PREX1: variants seen among roughly 807,000 people sequenced by gnomAD.
The protein encoded by PREX1 is phosphatidylinositol-3,4,5-trisphosphate dependent Rac exchange factor 1.
PREX1 carries 41 observed loss-of-function variants against 198.3 expected under a neutral mutation model. The observed-to-expected ratio is 0.21, with a 90% CI of 0.16 to 0.27. The LOEUF (loss-of-function observed/expected upper bound fraction) is 0.27. Among genes scored for constraint, PREX1 ranks in the 10% least tolerant of loss-of-function variants. The probability of loss-of-function intolerance (pLI) is 1.00; values close to 1 mark genes in which losing one functional copy is unlikely to be tolerated. For missense variants in PREX1, 1,620 were observed against 2,200.7 expected (o/e 0.74, Z 5.28); for synonymous variants, 843 against 887.2 (o/e 0.95, Z 0.89).
chr20:48,627,963 C>A lies in PREX1; in HGVS notation c.4767G>T (p.Arg1589Ser). 1 of 1,608,394 alleles carries A rather than the reference C, an allele frequency of 6.2e-7. No homozygotes were observed. Among genetic ancestry groups the A allele is most frequent in the Non-Finnish European group, 8.5e-7 (1 of 1,178,532 alleles). ...GCTCCAGGGACACGCTCAGGGTGCT[C>A]CTGCAGCAGGGGAGGGAGGACAGCG... ...QMVMCGTGMQ[R>S]STLSVSLEQA... The change falls in exon 38 of 40, where the codon AGG becomes AGT. Residue 1589 changes from arginine (R) to serine (S), a missense_variant and splice_region_variant. This residue lies in a region of PREX1 where 476 missense variants were observed against 603.4 expected (regional missense o/e 0.79). Transcript: ENST00000371941.
At chr20:48,842,532 C>G in the PREX1 span, among the ~76,000 whole-genome samples, 1 of 151,746 alleles carries the variant, frequency 6.6e-6, no homozygotes, top group Non-Finnish European at 1.5e-5. Context: ...TATTCTCTCT[C>G]TCCAGCGTGG....
At chr20:48,730,085 C>A (rs959612361) in intron 4 of PREX1, among the ~76,000 whole-genome samples, 1 of 151,942 alleles carries the variant, frequency 6.6e-6, no homozygotes, top group East Asian at 1.9e-4. Flanking sequence ...GGAGGGAGCA[C>A]CCACCGACAC....
At chr20:48,697,539 C>G (rs371011720) in intron 7 of PREX1, among the ~76,000 whole-genome samples, 69 of 152,160 alleles carry the variant, frequency 4.5e-4, no homozygotes, top group African/African-American at 1.7e-3. Context: ...TGCCACCACA[C>G]CTGGCTAATT....
At chr20:48,744,883 TG>T in intron 3 of PREX1, 141 bp downstream of exon 3, 1 of 1,089,264 alleles carries the variant, frequency 9.2e-7, no homozygotes, top group Non-Finnish European at 1.3e-6. Flanking sequence ...GGATGCAGAC[TG>T]GGCCCACCTG....
chr20:48,853,944 C>A, the PREX1 span, among the ~76,000 whole-genome samples: 13 of 152,190 alleles, frequency 8.5e-5, no homozygotes, highest in Non-Finnish European at 1.6e-4. Context: ...GATGGGTGAG[C>A]CAGATGGGGC....
chr20:48,719,522 G>A (rs1255491833), intron 5 of PREX1, among the ~76,000 whole-genome samples: 1 of 152,156 alleles, frequency 6.6e-6, no homozygotes, highest in Non-Finnish European at 1.5e-5. Flanking sequence ...CTGACTTCCT[G>A]TGCTTTCTCA....
intron 15 of PREX1, among the ~76,000 whole-genome samples, chr20:48,665,151 GC>G (rs1568812565): frequency 7.0e-6 from 1 of 143,462 alleles, no homozygotes; most frequent in Non-Finnish European, 1.5e-5. Flanking sequence ...TCTAATCCCG[GC>G]CCCAGACGGC....
rs1409452835 is a variant in PREX1 at position 48,666,552 on chromosome 20, G to A, written c.1666-197C>T. On this transcript the variant is annotated intron_variant, in intron 14 of 39. Coordinates refer to ENST00000371941, the MANE Select transcript of PREX1 (RefSeq NM_020820.4). The surrounding 1 kb of genome is among the most constrained non-coding windows in gnomAD (Gnocchi z 4.3). ...ATTATTATTATTTTTTTGAGACAGA[G>A]TCTCACTCTATCGCCCAGGCTGGAG... 6.6e-6 allele frequency among the ~76,000 whole-genome samples: 1 copy of A among 152,098 alleles called. No individual in the cohort carries two copies. The highest frequency in any genetic ancestry group is 1.5e-5 in the Non-Finnish European group (1 of 68,010).
intron 29 of PREX1, among the ~76,000 whole-genome samples, chr20:48,640,424 C>G (rs1435588151): frequency 6.6e-6 from 1 of 152,202 alleles, no homozygotes; most frequent in Non-Finnish European, 1.5e-5. Flanking sequence ...AAGGCCCCTG[C>G]AAAAGACAAA....
At chr20:48,656,380 A>T in intron 18 of PREX1, 1 of 435,630 alleles carries the variant, frequency 2.3e-6, no homozygotes, top group Non-Finnish European at 4.6e-6. Flanking sequence ...CTTCGATCAG[A>T]AGCTTCCAGT....
chr20:48,737,215 CAA>C (rs140010281), intron 3 of PREX1, among the ~76,000 whole-genome samples: 984 of 35,088 alleles, frequency 0.028, 10 homozygotes, highest in African/African-American at 0.12. Flanking sequence ...GTTTTGACAG[CAA>C]AAAAAAAAAA....
At chr20:48,879,575 C>A in the PREX1 span, among the ~76,000 whole-genome samples, 49 of 152,206 alleles carry the variant, frequency 3.2e-4, no homozygotes, top group Non-Finnish European at 6.9e-4. Flanking sequence ...TGATTAGCGT[C>A]TCATTCATGC....
chr20:48,766,155 T>C (rs2090207033), intron 1 of PREX1, among the ~76,000 whole-genome samples: 1 of 152,204 alleles, frequency 6.6e-6, no homozygotes, highest in Admixed American at 6.5e-5. Flanking sequence ...CATTATATGT[T>C]ACAATGTAAT....
rs1393849058 is a variant in PREX1 at position 48,683,932 on chromosome 20, C to T, written c.1335-2597G>A. ...AGCCCTGAGAGGTAAGGTCAGGAAACCAGCGATCTGCCAGTGGGGAGGGGC... is the reference window on the plus strand; with the variant it reads ...AGCCCTGAGAGGTAAGGTCAGGAAATCAGCGATCTGCCAGTGGGGAGGGGC... On this transcript the variant is annotated intron_variant, in intron 10 of 39. Transcript: ENST00000371941. Among the ~76,000 whole-genome samples, 6 of 152,036 alleles carry T rather than the reference C, an allele frequency of 3.9e-5. No homozygotes were observed. In the East Asian group the frequency reaches 9.7e-4, roughly 24 times the overall value.
At chr20:48,873,185 G>A in the PREX1 span, among the ~76,000 whole-genome samples, 55 of 152,212 alleles carry the variant, frequency 3.6e-4, no homozygotes, top group African/African-American at 1.3e-3. Flanking sequence ...TCAGTATCAT[G>A]AAAGCCAGGC....
Position 48,793,665 on chromosome 20 carries a change from C to A in PREX1, c.219+33977G>T, listed in dbSNP as rs369014058. ...GGGATCTGGATTTGCAACCCTTGCT[C>A]GGGCAAATCATTTACTCTCTCTGAG... On this transcript the variant is annotated intron_variant, in intron 1 of 39. Coordinates refer to ENST00000371941, the MANE Select transcript of PREX1 (RefSeq NM_020820.4). 7.9e-5 allele frequency among the ~76,000 whole-genome samples: 12 copies of A among 152,260 alleles called. 1 individual carries two copies. Among genetic ancestry groups the A allele is most frequent in the African/African-American group, 2.9e-4 (12 of 41,534 alleles).
chr20:48,719,274 T>C (rs545857764), intron 5 of PREX1, among the ~76,000 whole-genome samples: 5 of 151,768 alleles, frequency 3.3e-5, no homozygotes, highest in Admixed American at 1.3e-4. Flanking sequence ...CAGCTGAGCA[T>C]GGCTTTGAAA....
chr20:48,792,144 ACAT>A, intron 1 of PREX1, among the ~76,000 whole-genome samples: 1 of 152,288 alleles, frequency 6.6e-6, no homozygotes, highest in East Asian at 1.9e-4. Flanking sequence ...TGTCTCCCCA[ACAT>A]CCAAGGCCCA....
chr20:48,798,621 T>C (rs1191665849), intron 1 of PREX1, among the ~76,000 whole-genome samples: 1 of 152,154 alleles, frequency 6.6e-6, no homozygotes, highest in Non-Finnish European at 1.5e-5. Flanking sequence ...CAAACTGAAG[T>C]GTACCTGTCA....
Sources: allele counts gnomAD v4.1 joint callset (sites outside exome capture counted in the v4.1 genomes callset), GRCh38; gene constraint gnomAD v4.1.1; regional missense constraint gnomAD v4.1.1; non-coding constraint Gnocchi (gnomAD v3.1); transcripts MANE v1.5; gene names NCBI Gene and HGNC (gene_info 2026-07-23, HGNC 2026-07-21).